The following PRLR variants were observed in gnomAD, a reference collection of about 807,000 sequenced individuals.
PRLR encodes prolactin receptor.
In PRLR, 13 loss-of-function variants were observed where a neutral mutation model predicts 40.2. The observed-to-expected ratio is 0.32, with a 90% CI of 0.21 to 0.51. The LOEUF (loss-of-function observed/expected upper bound fraction) is 0.51, where lower values mean the gene tolerates loss of function less well. Among genes scored for constraint, PRLR ranks in the 20% least tolerant of loss-of-function variants. PRLR has a pLI of 0.97. For missense variants in PRLR, 656 were observed against 747.3 expected, an observed-to-expected ratio of 0.88 and a Z score of 1.42; for synonymous variants, 269 against 278.7, an observed-to-expected ratio of 0.97 and a Z score of 0.35.
intron 2 of PRLR, among the ~76,000 whole-genome samples, chr5:35,106,239 G>A (rs1424195015): frequency 3.3e-5 from 5 of 152,098 alleles, no homozygotes; most frequent in African/African-American, 9.7e-5. Flanking sequence ...CTAAACATGG[G>A]AAGGAACAAC....
At chr5:35,209,953 C>T (rs1776128276) in intron 1 of PRLR, among the ~76,000 whole-genome samples, 2 of 152,118 alleles carry the variant, frequency 1.3e-5, no homozygotes, top group Admixed American at 1.3e-4. Context: ...TCATGCCATC[C>T]CTCCACTTCA....
chr5:35,068,926 A>G (rs1214766813), intron 7 of PRLR, 48 bp from the exon 8 acceptor site: 2 of 1,353,180 alleles, frequency 1.5e-6, no homozygotes, highest in Middle Eastern at 1.8e-4. Flanking sequence ...AGCATCATTA[A>G]AAACAAACCA....
In PRLR at chr5:35,179,871, A is replaced by T. The variant is rs115138819; in HGVS notation, c.-106+50397T>A. ...TTTTCCATGGACTGGGACGGGGCAG[A>T]GAGGGGGTGGTTTTGGGATGATTCA... On this transcript the variant is annotated intron_variant, in intron 1 of 9. Transcript: ENST00000618457. Among the ~76,000 whole-genome samples the T allele has an allele frequency of 3.4e-3, 518 of 152,214 alleles. 5 individuals carry two copies. Among genetic ancestry groups the T allele is most frequent in the African/African-American group, 0.012 (492 of 41,518 alleles).
intron 1 of PRLR, among the ~76,000 whole-genome samples, chr5:35,133,801 A>T (rs1278304652): frequency 6.6e-6 from 1 of 152,228 alleles, no homozygotes; most frequent in Non-Finnish European, 1.5e-5. Flanking sequence ...GGGAGCAAAA[A>T]AATGTCACAG....
intron 2 of PRLR, among the ~76,000 whole-genome samples, chr5:35,113,080 A>C (rs904657107): frequency 6.6e-6 from 1 of 151,860 alleles, no homozygotes; most frequent in Admixed American, 6.6e-5. Flanking sequence ...CCATCCATCC[A>C]TCAACCTACC....
intron 1 of PRLR, among the ~76,000 whole-genome samples, chr5:35,150,279 T>C (rs980574210): frequency 6.6e-6 from 1 of 152,364 alleles, no homozygotes; most frequent in African/African-American, 2.4e-5. Flanking sequence ...GATTGTTCTA[T>C]GGTTTTCCAT....
intron 2 of PRLR, among the ~76,000 whole-genome samples, chr5:35,102,663 C>T (rs1360455851): frequency 6.6e-6 from 1 of 151,972 alleles, no homozygotes; most frequent in Non-Finnish European, 1.5e-5. Context: ...CTGTCTTAGC[C>T]TCCCGAGTAG....
At chr5:35,148,310 G>T (rs369379110) in intron 1 of PRLR, among the ~76,000 whole-genome samples, 1 of 152,078 alleles carries the variant, frequency 6.6e-6, no homozygotes, top group African/African-American at 2.4e-5. Context: ...TTGAACTTGG[G>T]AGTATAGGGT....
intron 8 of PRLR, chr5:35,049,519 A>C: frequency 3.2e-6 from 2 of 615,974 alleles, no homozygotes; most frequent in Non-Finnish European, 5.8e-6. Flanking sequence ...ACCATAACAT[A>C]ATATGTACTT....
intron 1 of PRLR, among the ~76,000 whole-genome samples, chr5:35,165,788 A>C (rs1446547664): frequency 6.6e-6 from 1 of 152,242 alleles, no homozygotes; most frequent in African/African-American, 2.4e-5. Context: ...CTTTATAAAC[A>C]TATGGTTGAA....
At chr5:35,129,981 C>T (rs981826618) in intron 1 of PRLR, among the ~76,000 whole-genome samples, 8 of 152,134 alleles carry the variant, frequency 5.3e-5, no homozygotes, top group Non-Finnish European at 1.0e-4. Flanking sequence ...AGTTTGAATG[C>T]TTGCTTCCGA....
At position 35,092,240 on chromosome 5, in the gene PRLR, T is replaced by C. The variant is rs114118385; in HGVS notation, c.-43-2577A>G. On this transcript the variant is annotated intron_variant, in intron 2 of 9. Transcript: ENST00000618457. The stretch of plus-strand genomic sequence containing the variant: ...GACACATCCTGGAATCTAGTTACTA[T>C]TATGCACTTTCTAATGCCTAAAACC... Among the ~76,000 whole-genome samples the C allele has an allele frequency of 9.3e-3, 1,411 of 152,278 alleles. 25 individuals carry two copies. The highest frequency in any genetic ancestry group is 0.033 in the African/African-American group (1,357 of 41,552).
intron 1 of PRLR, among the ~76,000 whole-genome samples, chr5:35,128,474 C>T (rs1773543666): frequency 6.6e-6 from 1 of 151,670 alleles, no homozygotes; most frequent in African/African-American, 2.4e-5. Context: ...ATATTTGTTA[C>T]ACTATATTGT....
chr5:35,114,300 G>T (rs1419821815), intron 2 of PRLR, among the ~76,000 whole-genome samples: 2 of 152,196 alleles, frequency 1.3e-5, no homozygotes, highest in South Asian at 4.1e-4. Context: ...CTGAGCATGA[G>T]TATCTTTTAA....
At chr5:35,182,695 A>G (rs1333626938) in intron 1 of PRLR, among the ~76,000 whole-genome samples, 1 of 152,212 alleles carries the variant, frequency 6.6e-6, no homozygotes, top group Non-Finnish European at 1.5e-5. Context: ...AAGGGCTGAA[A>G]AGTGAAGTCT....
intron 5 of PRLR, among the ~76,000 whole-genome samples, chr5:35,083,474 G>A (rs994059620): frequency 6.1e-5 from 9 of 146,992 alleles, no homozygotes; most frequent in Non-Finnish European, 1.3e-4. Flanking sequence ...GTGTGTGTGT[G>A]TGCACAGACC....
intron 5 of PRLR, among the ~76,000 whole-genome samples, chr5:35,084,083 A>T (rs1770696024): frequency 6.6e-6 from 1 of 152,110 alleles, no homozygotes; most frequent in South Asian, 2.1e-4. Flanking sequence ...CCTTCTAAGA[A>T]CTTCTTCTTC....
At chr5:35,178,351 G>A (rs889371281) in intron 1 of PRLR, among the ~76,000 whole-genome samples, 3 of 152,084 alleles carry the variant, frequency 2.0e-5, no homozygotes, top group South Asian at 2.1e-4. Flanking sequence ...ACTGAGTATC[G>A]GCAGTTTGCT....
intron 2 of PRLR, among the ~76,000 whole-genome samples, 172 bp from the exon 3 acceptor site, chr5:35,089,835 A>G (rs1246097992): frequency 6.6e-6 from 1 of 152,168 alleles, no homozygotes; most frequent in Non-Finnish European, 1.5e-5. Flanking sequence ...TTGGCACAGA[A>G]ACATCAATTC....
Sources: gnomAD v4.1 joint callset for allele counts (sites outside exome capture counted in the v4.1 genomes callset) on GRCh38, gnomAD v4.1.1 for gene constraint, MANE v1.5 for transcripts, NCBI Gene and HGNC (gene_info 2026-07-23, HGNC 2026-07-21) for gene names.